RGL2: variants seen among roughly 807,000 people sequenced by gnomAD.
RGL2 encodes ral guanine nucleotide dissociation stimulator like 2, also known as ral guanine nucleotide dissociation stimulator-like 2.
A neutral mutation model predicts 84.6 loss-of-function variants in RGL2; 40 were observed. That is an observed-to-expected ratio of 0.47 (90% CI 0.37 to 0.62). RGL2 has a LOEUF of 0.62. Among genes scored for constraint, RGL2 ranks in the 20% least tolerant of loss-of-function variants. The pLI is 0.00. For synonymous variants in RGL2, 369 were observed against 417.3 expected (o/e 0.88, Z 1.41); for missense variants, 865 against 1,019.7 (o/e 0.85, Z 2.07).
At position 33,294,726 on chromosome 6, in the gene RGL2, G is replaced by T. The variant is rs1410501786; in HGVS notation, c.1315C>A (p.Leu439Ile). The T allele has an allele frequency of 6.2e-7, 1 of 1,614,028 alleles. No individual in the cohort carries two copies. Among genetic ancestry groups the T allele is most frequent in the Admixed American group, 1.7e-5 (1 of 60,008 alleles). ...VPYLGTFLKD[L>I]VMLDAASKDE... The stretch of plus-strand genomic sequence containing the variant: ...TTGGAGGCTGCATCCAGCATCACAA[G>T]GTCCTTCAGGAAGGTGCCAAGGTAT... Residue 439 changes from leucine to isoleucine, a missense_variant, in exon 11 of 18, where the codon CTT (leucine) becomes ATT (isoleucine). Around this residue, in one of 5 missense-constraint regions of RGL2, gnomAD observed 75 missense variants for 130.8 expected, o/e 0.57. Coordinates refer to ENST00000497454, the MANE Select transcript of RGL2 (RefSeq NM_004761.5). The surrounding 1 kb of genome is among the most constrained non-coding windows in gnomAD (Gnocchi z 5.0).
rs1767903365 is a variant in RGL2 at position 33,295,948 on chromosome 6, G to A, written c.768+80C>T. On this transcript the variant is annotated intron_variant, in intron 6 of 17. Transcript: ENST00000497454. The surrounding 1 kb of genome is among the most constrained non-coding windows in gnomAD (Gnocchi z 7.2). ...GCTAGGAGCTGGATCAGGAAGGGGT[G>A]GAAGCAAGGAAAGGATCTGGAGTCA... 4 of 1,548,034 alleles carry A rather than the reference G, an allele frequency of 2.6e-6. No homozygotes were observed. The South Asian group carries it at 3.4e-5, about 13-fold the overall frequency.
rs746181718 is a variant in RGL2 at position 33,293,286 on chromosome 6, G to A, written c.1737C>T (p.Val579=). 3 of 1,548,356 alleles carry A rather than the reference G, an allele frequency of 1.9e-6. No homozygotes were observed. Among genetic ancestry groups the A allele is most frequent in the African/African-American group, 1.4e-5 (1 of 72,864 alleles). ...TTTCCAAGGCAGAGTCTAGTGACGA[G>A]ACAGATGGCCACTTCATGTGCTAGG... The part of the protein sequence containing the change: ...RLAQHMKWPS[V]SSLDSALESS... The change falls in exon 16 of 18, where the codon GTC becomes GTT. Residue 579 remains valine (V), a synonymous_variant. Transcript: ENST00000497454. The surrounding 1 kb of genome is among the most constrained non-coding windows in gnomAD (Gnocchi z 7.0).
chr6:33,295,154 A>G lies in RGL2; in HGVS notation c.1182T>C (p.Tyr394=). The part of the protein sequence containing the change: ...LCQIFSEEDN[Y]SQSRELLVQE... ...GCACGAGCAGCTCCCGACTCTGGGA[A>G]TAATTATCCTCCTCGGAGAAAATCT... is the stretch of plus-strand genomic sequence containing the variant. The change falls in exon 9 of 18, where the codon TAT becomes TAC. Residue 394 remains tyrosine (Y), a synonymous_variant. Coordinates refer to ENST00000497454, the MANE Select transcript of RGL2 (RefSeq NM_004761.5). The surrounding 1 kb of genome is among the most constrained non-coding windows in gnomAD (Gnocchi z 7.2). 6.2e-7 allele frequency: 1 copy of G among 1,608,150 alleles called. No homozygotes were observed. Among genetic ancestry groups the G allele is most frequent in the Non-Finnish European group, 8.5e-7 (1 of 1,177,136 alleles).
rs906708906 is a variant in RGL2 at position 33,298,148 on chromosome 6, C to G, written c.156+307G>C. ...AAGGAGGGAGACAGGGACCAAGACA[C>G]GACTGCTCAGAGAGGTAGGCACACT... On this transcript the variant is annotated intron_variant, in intron 2 of 17. Coordinates refer to ENST00000497454, the MANE Select transcript of RGL2 (RefSeq NM_004761.5). This position sits in a 1 kb window ranked among gnomAD's most constrained non-coding sequence, Gnocchi z 4.8. The G allele has an allele frequency of 2.5e-5, 7 of 280,944 alleles. No homozygotes were observed. The highest frequency in any genetic ancestry group is 2.7e-5 in the Non-Finnish European group (4 of 148,050). The allele number at this position is 280,944 out of a possible 1,614,324, so 17.4% of individuals were successfully genotyped here.
rs1475763525 is a variant in RGL2, at chr6:33,298,321, G to A, written c.156+134C>T. Reference sequence around the variant, plus strand: ...AGACGCCAGGACTCCCCGCAGCAGAGAAACGGGCCGACACCCAGGGAGGCG... The same window carrying A: ...AGACGCCAGGACTCCCCGCAGCAGAAAAACGGGCCGACACCCAGGGAGGCG... On this transcript the variant is annotated intron_variant, in intron 2 of 17. Transcript: ENST00000497454. The surrounding 1 kb of genome is among the most constrained non-coding windows in gnomAD (Gnocchi z 4.8). 1 of 578,534 alleles carries A rather than the reference G, an allele frequency of 1.7e-6. No homozygotes were observed. 35.8% of individuals were successfully genotyped at this position (578,534 alleles called of 1,614,324 possible).
In RGL2 at chr6:33,291,980, C is replaced by A; in HGVS notation, c.*122G>T. 9.5e-7 allele frequency: 1 copy of A among 1,057,372 alleles called. No individual in the cohort carries two copies. The highest frequency in any genetic ancestry group is 1.4e-5 in the South Asian group (1 of 69,510). The allele number at this position is 1,057,372 out of a possible 1,614,324, so 65.5% of individuals were successfully genotyped here. ...GGTAAACCAGTGGCACTTCACTGCC[C>A]CAGGGTGGCTGGCTCCCTTTCTGAA... On this transcript the variant is annotated 3_prime_UTR_variant, in exon 18 of 18. Coordinates refer to ENST00000497454, the MANE Select transcript of RGL2 (RefSeq NM_004761.5).
rs774220696 is a variant in RGL2, at chr6:33,293,785, C to T, written c.1508+10G>A. 3.1e-6 allele frequency: 5 copies of T among 1,613,968 alleles called. No homozygotes were observed. Among genetic ancestry groups the T allele is most frequent in the East Asian group, 2.2e-5 (1 of 44,884 alleles). ...AGAACCCTGGAGTCCCAACCTCACC[C>T]GCCAGTCACCTCTGAGCCTCTGTCA... On this transcript the variant is annotated intron_variant, in intron 13 of 17. Transcript: ENST00000497454. This position sits in a 1 kb window ranked among gnomAD's most constrained non-coding sequence, Gnocchi z 7.0.
At chr6:33,300,826 C>G (rs1768513108), upstream of RGL2, 1 of 151,488 alleles carries the variant, frequency 6.6e-6, no homozygotes, top group Non-Finnish European at 1.5e-5. Context: ...ATTAGCCAGG[C>G]ATGGTGGAGG....
Position 33,298,178 on chromosome 6 carries a change from C to A in RGL2, c.156+277G>T, listed in dbSNP as rs1581724964. ...GCTCAGAGAGGTAGGCACACTCAGG[C>A]AGGCAGAGGTGGAGGGCCAAAGACC... On this transcript the variant is annotated intron_variant, in intron 2 of 17. Transcript: ENST00000497454. The surrounding 1 kb of genome is among the most constrained non-coding windows in gnomAD (Gnocchi z 4.8). 1 of 367,174 alleles carries A rather than the reference C, an allele frequency of 2.7e-6. No homozygotes were observed. The allele number at this position is 367,174 out of a possible 1,614,324, so 22.7% of individuals were successfully genotyped here. A position where few individuals can be genotyped will look rare whatever the true frequency, so the allele number is the denominator to read the frequency against.
chr6:33,293,644 G>T lies in RGL2; in HGVS notation c.1564C>A (p.Arg522=). Residue 522 remains arginine (R), a synonymous_variant, in exon 14 of 18, where the codon CGG becomes AGG. Transcript: ENST00000497454. This position sits in a 1 kb window ranked among gnomAD's most constrained non-coding sequence, Gnocchi z 7.0. ...ATGACCAATGTTGGCCGAAGCACCC[G>T]TGGGGCAGGAGGGTCACTGGAACCA... ...PPGSSDPPAP[R]VLRPTLVISQ... 6.2e-7 allele frequency: 1 copy of T among 1,614,150 alleles called. No individual in the cohort carries two copies. Among genetic ancestry groups the T allele is most frequent in the Non-Finnish European group, 8.5e-7 (1 of 1,180,032 alleles).
Position 33,295,505 on chromosome 6 carries a change from C to G in RGL2, c.1020+3G>C. The G allele has an allele frequency of 1.9e-6, 3 of 1,613,198 alleles. No individual in the cohort carries two copies. The highest frequency in any genetic ancestry group is 2.5e-6 in the Non-Finnish European group (3 of 1,179,446). On this transcript the variant is annotated splice_donor_region_variant and intron_variant, in intron 7 of 17. Transcript: ENST00000497454. The surrounding 1 kb of genome is among the most constrained non-coding windows in gnomAD (Gnocchi z 7.2). Reference sequence around the variant, plus strand: ...CAAACCGTAGGGCAATCTTCTCTCTCACCTCTGCCACGCGGATCCACTTCT... The same window carrying G: ...CAAACCGTAGGGCAATCTTCTCTCTGACCTCTGCCACGCGGATCCACTTCT...
At position 33,296,760 on chromosome 6, in the gene RGL2, G is replaced by A. The variant is rs749438017; in HGVS notation, c.257C>T (p.Pro86Leu). 9.9e-6 allele frequency: 16 copies of A among 1,613,900 alleles called. No homozygotes were observed. The Admixed American group carries it at 2.0e-4, about 20-fold the overall frequency. Residue 86 changes from proline (P) to leucine (L), a missense_variant, in exon 4 of 18, where the codon CCA becomes CTA. Physicochemically the swap from Pro to Leu is moderately conservative, Grantham distance 98. Around this residue, in one of 5 missense-constraint regions of RGL2, gnomAD observed 455 missense variants for 507.8 expected, o/e 0.90. Transcript: ENST00000497454. This position sits in a 1 kb window ranked among gnomAD's most constrained non-coding sequence, Gnocchi z 5.0. ...PLDPLVPMPPPRSSRRLRAGT... is the reference protein window; with the variant it reads ...PLDPLVPMPPLRSSRRLRAGT... ...AGCTCGGAGCCGTCGGGAGGAACGT[G>A]GGGGAGGCATAGGGACCTGGAGAAC...
chr6:33,294,760 AC>A lies in RGL2; in HGVS notation c.1280del (p.Gly427ValfsTer10). 3 of 1,613,748 alleles carry A rather than the reference AC, an allele frequency of 1.9e-6. No homozygotes were observed. The highest frequency in any genetic ancestry group is 2.5e-6 in the Non-Finnish European group (3 of 1,179,874). On this transcript the variant is annotated frameshift_variant and splice_region_variant, in exon 11 of 18. Coordinates refer to ENST00000497454, the MANE Select transcript of RGL2 (RefSeq NM_004761.5). LOFTEE classifies it high-confidence loss of function. This position sits in a 1 kb window ranked among gnomAD's most constrained non-coding sequence, Gnocchi z 5.0. ...KAPRSGSRGG[G>X]VVPYLGTFLK... ...GGAAGGTGCCAAGGTATGGGACCAC[AC>A]CCTGAAGTCAGGGGTCAGGGTCAGA...
Position 33,292,519 on chromosome 6 carries a change from C to T in RGL2, c.2033G>A (p.Ser678Asn). The T allele has an allele frequency of 6.2e-7, 1 of 1,614,160 alleles. No homozygotes were observed. The change falls in exon 17 of 18, where the codon AGT becomes AAT. Residue 678 changes from serine to asparagine, a missense_variant. Around this residue, in one of 5 missense-constraint regions of RGL2, gnomAD observed 302 missense variants for 327.9 expected, o/e 0.92. Transcript: ENST00000497454. The part of the protein sequence containing the change: ...ILVTSQDKAP[S>N]VISRVLKKNN... ...TTTCTTAAGGACACGACTGATGACA[C>T]TTGGAGCCTTGTCCTGGCTTGTCAC...
At position 33,295,226 on chromosome 6, in the gene RGL2, A is replaced by G; in HGVS notation, c.1125-15T>C. On this transcript the variant is annotated splice_polypyrimidine_tract_variant and intron_variant, in intron 8 of 17. Coordinates refer to ENST00000497454, the MANE Select transcript of RGL2 (RefSeq NM_004761.5). The surrounding 1 kb of genome is among the most constrained non-coding windows in gnomAD (Gnocchi z 7.2). ...TGAGGCTGTCCCTGGGGAAGGGAGA[A>G]AAGTGGCCCTGAGGACAGGCCTGGC... The G allele has an allele frequency of 6.3e-7, 1 of 1,592,976 alleles. No individual in the cohort carries two copies. The highest frequency in any genetic ancestry group is 8.6e-7 in the Non-Finnish European group (1 of 1,168,864).
Position 33,297,345 on chromosome 6 carries a change from T to G in RGL2, c.157-230A>C. On this transcript the variant is annotated intron_variant, in intron 2 of 17. Coordinates refer to ENST00000497454, the MANE Select transcript of RGL2 (RefSeq NM_004761.5). The surrounding 1 kb of genome is among the most constrained non-coding windows in gnomAD (Gnocchi z 4.0). ...AGGGCCCCGGTGGAGTCGAAGGGGC[T>G]GCAGTGGAGGCGTGGATGGAGTACA... The G allele has an allele frequency of 2.0e-6, 1 of 498,082 alleles. No individual in the cohort carries two copies. Among genetic ancestry groups the G allele is most frequent in the East Asian group, 3.1e-5 (1 of 32,640 alleles). The allele number at this position is 498,082 out of a possible 1,614,324, so 30.9% of individuals were successfully genotyped here.
In RGL2 at chr6:33,296,408, A is replaced by G; in HGVS notation, c.470+6T>C. 1 of 1,610,428 alleles carries G rather than the reference A, an allele frequency of 6.2e-7. No individual in the cohort carries two copies. The highest frequency in any genetic ancestry group is 8.5e-7 in the Non-Finnish European group (1 of 1,177,996). On this transcript the variant is annotated splice_donor_region_variant and intron_variant, in intron 5 of 17. Transcript: ENST00000497454. The surrounding 1 kb of genome is among the most constrained non-coding windows in gnomAD (Gnocchi z 5.0). Reference sequence around the variant, plus strand: ...ACTGTGAGATTAAGAACCAGGGGTCACTCACTCTGTTGTCCTCTCTAGTTC... The same window carrying G: ...ACTGTGAGATTAAGAACCAGGGGTCGCTCACTCTGTTGTCCTCTCTAGTTC...
Position 33,295,569 on chromosome 6 carries a change from A to G in RGL2, c.959T>C (p.Ile320Thr), listed in dbSNP as rs374694712. The G allele has an allele frequency of 2.5e-6, 4 of 1,613,924 alleles. No homozygotes were observed. Among genetic ancestry groups the G allele is most frequent in the African/African-American group, 1.3e-5 (1 of 75,018 alleles). The change falls in exon 7 of 18, where the codon ATA becomes ACA. Residue 320 changes from isoleucine (I) to threonine (T), a missense_variant. Physicochemically the swap from Ile to Thr is moderately conservative, Grantham distance 89. This residue lies in a region of RGL2 where 455 missense variants were observed against 507.8 expected (regional missense o/e 0.90). Transcript: ENST00000497454. This position sits in a 1 kb window ranked among gnomAD's most constrained non-coding sequence, Gnocchi z 7.2. ...STGEGPGEVT[I>T]RPLRPPQRAR... is the part of the protein sequence containing the mutation. ...CCTCTGTGGGGGACGGAGTGGCCGT[A>G]TGGTCACCTCCCCAGGTCCCTCTCC...
rs746882254 is a variant in RGL2, at chr6:33,295,440, G to A, written c.1021-18C>T. On this transcript the variant is annotated intron_variant, in intron 7 of 17. Transcript: ENST00000497454. This position sits in a 1 kb window ranked among gnomAD's most constrained non-coding sequence, Gnocchi z 7.2. ...CGGCACTCCTGTGGGGGTCAAAGAA[G>A]AGAGCTAAGGCTATGGGAGGCCTCT... The A allele has an allele frequency of 1.2e-6, 2 of 1,613,248 alleles. No homozygotes were observed. The highest frequency in any genetic ancestry group is 1.7e-6 in the Non-Finnish European group (2 of 1,179,998).
Sources: allele counts gnomAD v4.1 joint callset, GRCh38; gene constraint gnomAD v4.1.1; regional missense constraint gnomAD v4.1.1; non-coding constraint Gnocchi (gnomAD v3.1); transcripts MANE v1.5; gene names NCBI Gene and HGNC (gene_info 2026-07-23, HGNC 2026-07-21).